The following ATRNL1 variants were observed in gnomAD, a reference collection of about 807,000 sequenced individuals.
The protein encoded by ATRNL1 is attractin like 1.
ATRNL1 carries 95 observed loss-of-function variants against 182.7 expected under a neutral mutation model. That is an observed-to-expected ratio of 0.52 (90% CI 0.44 to 0.62). The LOEUF is 0.62. ATRNL1 is among the 20% of genes least tolerant of loss of function. The pLI is 0.00. For synonymous variants in ATRNL1, 576 were observed against 568.3 expected (o/e 1.01, Z -0.19); for missense variants, 1,471 against 1,679.5 (o/e 0.88, Z 2.17).
At chr10:115,685,677 A>G (rs1946193936) in intron 26 of ATRNL1, among the ~76,000 whole-genome samples, 1 of 151,930 alleles carries the variant, frequency 6.6e-6, no homozygotes, top group Middle Eastern at 3.2e-3. Flanking sequence ...GTATTTTACA[A>G]AATATACCTA....
chr10:115,913,606 CT>C (rs1186275668), intron 28 of ATRNL1, among the ~76,000 whole-genome samples: 1 of 152,220 alleles, frequency 6.6e-6, no homozygotes, highest in Non-Finnish European at 1.5e-5. Flanking sequence ...GGTTTTATTA[CT>C]ACTACTGCCT....
intron 26 of ATRNL1, among the ~76,000 whole-genome samples, chr10:115,550,533 C>T (rs1422975528): frequency 1.3e-5 from 2 of 151,766 alleles, no homozygotes; most frequent in African/African-American, 4.8e-5. Context: ...AAACTGGAGT[C>T]CCTCCCTGTC....
At chr10:115,245,458 C>G (rs1370443773) in intron 10 of ATRNL1, among the ~76,000 whole-genome samples, 1 of 144,130 alleles carries the variant, frequency 6.9e-6, no homozygotes, top group African/African-American at 2.6e-5. Context: ...GAGATTGCGC[C>G]ATTGCACTCC....
chr10:115,768,032 A>G (rs1019297376), intron 27 of ATRNL1, among the ~76,000 whole-genome samples: 4 of 152,208 alleles, frequency 2.6e-5, no homozygotes, highest in African/African-American at 7.2e-5. Flanking sequence ...AATGTTAAAG[A>G]CATCAATATA....
intron 27 of ATRNL1, among the ~76,000 whole-genome samples, chr10:115,807,772 A>G (rs1173590320): frequency 1.3e-5 from 2 of 152,210 alleles, no homozygotes; most frequent in African/African-American, 2.4e-5. Context: ...AATAGCGTTA[A>G]CAAATTTTAG....
chr10:115,233,903 A>G (rs1850064995), intron 9 of ATRNL1, among the ~76,000 whole-genome samples: 1 of 152,032 alleles, frequency 6.6e-6, no homozygotes, highest in African/African-American at 2.4e-5. Context: ...AAGGATTTTT[A>G]CATTGATGTT....
chr10:115,767,984 C>T (rs951200795), intron 27 of ATRNL1, among the ~76,000 whole-genome samples: 1 of 152,166 alleles, frequency 6.6e-6, no homozygotes. Context: ...TCATTTTTCT[C>T]TTCCAGACCA....
At position 115,826,072 on chromosome 10, in the gene ATRNL1, A is replaced by G. The variant is rs964381520; in HGVS notation, c.3904-21805A>G. Among the ~76,000 whole-genome samples, 9 of 152,366 alleles carry G rather than the reference A, an allele frequency of 5.9e-5. No individual in the cohort carries two copies. In the Middle Eastern group the frequency reaches 0.01, roughly 173 times the overall value. On this transcript the variant is annotated intron_variant, in intron 27 of 28. Coordinates refer to ENST00000355044, the MANE Select transcript of ATRNL1 (RefSeq NM_207303.4). ...GAAGTTTTTGCAAGGGTGAACTCAC[A>G]TGAAATATACACATATGATAAAAAC...
chr10:115,393,764 A>G (rs1554954880), intron 19 of ATRNL1, among the ~76,000 whole-genome samples: 1 of 152,142 alleles, frequency 6.6e-6, no homozygotes, highest in African/African-American at 2.4e-5. Flanking sequence ...GATACAAGAA[A>G]GATTATACAT....
intron 26 of ATRNL1, among the ~76,000 whole-genome samples, chr10:115,604,093 T>G (rs782726144): frequency 6.6e-6 from 1 of 152,218 alleles, no homozygotes; most frequent in Non-Finnish European, 1.5e-5. Flanking sequence ...TATTTTTCTC[T>G]CATTATAGTC....
intron 20 of ATRNL1, among the ~76,000 whole-genome samples, chr10:115,395,952 TACAGA>T (rs1188899985): frequency 1.3e-5 from 2 of 151,780 alleles, no homozygotes; most frequent in Non-Finnish European, 2.9e-5. Flanking sequence ...CCATAATAAT[TACAGA>T]AACATAGGGA....
chr10:115,173,521 C>T (rs1482940172), intron 8 of ATRNL1, among the ~76,000 whole-genome samples: 1 of 151,718 alleles, frequency 6.6e-6, no homozygotes, highest in Non-Finnish European at 1.5e-5. Flanking sequence ...CTGTTACTGA[C>T]TTAGTATTTT....
At chr10:115,561,074 A>G (rs1486425601) in intron 26 of ATRNL1, among the ~76,000 whole-genome samples, 3 of 152,178 alleles carry the variant, frequency 2.0e-5, no homozygotes, top group African/African-American at 7.2e-5. Flanking sequence ...ACAGAAGAAA[A>G]TCTTCTTGAT....
At chr10:115,596,874 G>C (rs1219911649) in intron 26 of ATRNL1, among the ~76,000 whole-genome samples, 1 of 152,040 alleles carries the variant, frequency 6.6e-6, no homozygotes, top group Non-Finnish European at 1.5e-5. Context: ...AATAGGACTA[G>C]TTATTGGTAT....
At chr10:115,565,912 T>C (rs1488535536) in intron 26 of ATRNL1, among the ~76,000 whole-genome samples, 3 of 152,148 alleles carry the variant, frequency 2.0e-5, no homozygotes, top group Non-Finnish European at 4.4e-5. Flanking sequence ...AAGATTCTAC[T>C]CAGTCTATTT....
intron 25 of ATRNL1, among the ~76,000 whole-genome samples, chr10:115,547,056 G>A (rs1214081359): frequency 1.3e-5 from 2 of 151,654 alleles, no homozygotes; most frequent in African/African-American, 2.4e-5. Context: ...GAGTTCGAGT[G>A]CAGCCTGGCC....
At chr10:115,669,374 A>C (rs1369606655) in intron 26 of ATRNL1, among the ~76,000 whole-genome samples, 1 of 152,168 alleles carries the variant, frequency 6.6e-6, no homozygotes, top group East Asian at 1.9e-4. Flanking sequence ...ATATAGAAAT[A>C]CTAGATTTGT....
chr10:115,396,578 T>C (rs947441393), intron 20 of ATRNL1, among the ~76,000 whole-genome samples: 1 of 151,988 alleles, frequency 6.6e-6, no homozygotes, highest in East Asian at 1.9e-4. Context: ...TTGATTAACT[T>C]CTATTAAATA....
At chr10:115,200,418 C>T (rs1488739940) in intron 8 of ATRNL1, among the ~76,000 whole-genome samples, 1 of 138,422 alleles carries the variant, frequency 7.2e-6, no homozygotes, top group Non-Finnish European at 1.5e-5. Context: ...TGATGTTCCC[C>T]TTCCTGTGTC....
Sources: gnomAD v4.1 joint callset for allele counts (sites outside exome capture counted in the v4.1 genomes callset) on GRCh38, gnomAD v4.1.1 for gene constraint, MANE v1.5 for transcripts, NCBI Gene and HGNC (gene_info 2026-07-23, HGNC 2026-07-21) for gene names.